LRRC74A: variants seen among roughly 807,000 people sequenced by gnomAD.
LRRC74A encodes leucine-rich repeat-containing protein 74A.
Under a neutral mutation model 57.9 loss-of-function variants are expected in LRRC74A, and 44 were observed. The ratio of observed to expected loss-of-function variants is 0.76; its 90% CI spans 0.60 to 0.98. The LOEUF is 0.98. LRRC74A is among the 50% of genes least tolerant of loss of function. The pLI is 0.00. For synonymous variants in LRRC74A, 211 were observed against 219.4 expected, an observed-to-expected ratio of 0.96 and a Z score of 0.34; for missense variants, 572 against 574.0, an observed-to-expected ratio of 1.00 and a Z score of 0.04.
intron 3 of LRRC74A, among the ~76,000 whole-genome samples, chr14:76,835,486 CAAAA>C (rs11362184): frequency 4.6e-5 from 6 of 130,730 alleles, no homozygotes; most frequent in Non-Finnish European, 3.3e-5. Context: ...GACTCCATCT[CAAAA>C]AAAAAAAAAA....
chr14:76,845,618 C>A (rs564026760), intron 7 of LRRC74A, among the ~76,000 whole-genome samples: 4 of 152,178 alleles, frequency 2.6e-5, no homozygotes, highest in African/African-American at 7.2e-5. Flanking sequence ...TATAACAAAC[C>A]AGCACATGTA....
intron 13 of LRRC74A, among the ~76,000 whole-genome samples, chr14:76,868,096 C>T (rs1253891493): frequency 1.3e-5 from 2 of 152,238 alleles, no homozygotes; most frequent in African/African-American, 2.4e-5. Flanking sequence ...TGCAGCCTCA[C>T]GGTGCCCCAT....
chr14:76,867,239 G>GGGGT (rs1898986483), intron 12 of LRRC74A, 117 bp from the exon 13 acceptor site: 1 of 371,508 alleles, frequency 2.7e-6, no homozygotes, highest in African/African-American at 5.1e-5. Flanking sequence ...TGTGTGTGGG[G>GGGGT]GTGTGTGTTG....
At chr14:76,841,980 G>A (rs1896808220) in intron 5 of LRRC74A, among the ~76,000 whole-genome samples, 1 of 152,086 alleles carries the variant, frequency 6.6e-6, no homozygotes, top group East Asian at 1.9e-4. Flanking sequence ...CCAAAGTGCT[G>A]GGATTACAGG....
At chr14:76,832,329 A>T (rs1029894103) in intron 3 of LRRC74A, among the ~76,000 whole-genome samples, 1 of 152,116 alleles carries the variant, frequency 6.6e-6, no homozygotes, top group Non-Finnish European at 1.5e-5. Flanking sequence ...TGTTTGTTTG[A>T]GACAGGTTTT....
At chr14:76,861,437 T>C (rs1271532763) in intron 11 of LRRC74A, among the ~76,000 whole-genome samples, 2 of 152,204 alleles carry the variant, frequency 1.3e-5, no homozygotes, top group Admixed American at 1.3e-4. Flanking sequence ...TTTTCTTAGA[T>C]TATCTCTGGC....
chr14:76,837,723 G>C (rs140299017), intron 4 of LRRC74A, among the ~76,000 whole-genome samples, 152 bp from the exon 5 acceptor site: 2 of 151,902 alleles, frequency 1.3e-5, no homozygotes, highest in Non-Finnish European at 2.9e-5. Context: ...CCTTCTCTTC[G>C]TCCTTGGCAC....
intron 3 of LRRC74A, 95 bp from the exon 4 acceptor site, chr14:76,836,112 A>T: frequency 1.2e-6 from 1 of 862,004 alleles, no homozygotes; most frequent in Non-Finnish European, 1.9e-6. Flanking sequence ...CTGCATCTCC[A>T]CGCCCATTCA....
intron 7 of LRRC74A, 42 bp downstream of exon 7, chr14:76,844,943 G>A: frequency 4.0e-6 from 4 of 1,005,594 alleles, no homozygotes; most frequent in Non-Finnish European, 6.3e-6. Context: ...GGGAGGGATA[G>A]GGAAGAATCA....
intron 8 of LRRC74A, 135 bp downstream of exon 8, chr14:76,852,585 G>T: frequency 1.7e-5 from 8 of 465,752 alleles, no homozygotes; most frequent in South Asian, 4.3e-5. Context: ...TACTTTTCAA[G>T]TTATTGTTCT....
At chr14:76,834,221 A>C (rs537887992) in intron 3 of LRRC74A, among the ~76,000 whole-genome samples, 2 of 152,222 alleles carry the variant, frequency 1.3e-5, no homozygotes, top group Non-Finnish European at 2.9e-5. Context: ...GAAAGAACAA[A>C]GCCGTCTTGA....
chr14:76,866,152 G>T (rs777387750), intron 12 of LRRC74A, 77 bp downstream of exon 12: 1 of 1,137,130 alleles, frequency 8.8e-7, no homozygotes, highest in African/African-American at 1.5e-5. Context: ...GGGGAGAGGA[G>T]GAGAAGGAGC....
chr14:76,830,473 A>G lies in LRRC74A; in HGVS notation c.167-730A>G, dbSNP rs376805455. On this transcript the variant is annotated intron_variant, in intron 2 of 13. Transcript: ENST00000689127. ...GTTAGAATGGAAAGGTGCAGTCCCC[A>G]CTTCTGTTAGCTGGTTTTAGCATTG... is the stretch of plus-strand genomic sequence containing the variant. Among the ~76,000 whole-genome samples, 43 of 152,312 alleles carry G rather than the reference A, an allele frequency of 2.8e-4. 3 individuals carry two copies. The South Asian group carries it at 6.8e-3, about 24-fold the overall frequency.
At chr14:76,860,931 A>C in intron 11 of LRRC74A, 92 bp downstream of exon 11, 5 of 1,221,530 alleles carry the variant, frequency 4.1e-6, no homozygotes, top group South Asian at 1.5e-5. Flanking sequence ...CTCCCTCCCC[A>C]CAGTGTCTGT....
At chr14:76,862,781 A>G (rs1439798145) in intron 11 of LRRC74A, among the ~76,000 whole-genome samples, 1 of 152,136 alleles carries the variant, frequency 6.6e-6, no homozygotes, top group African/African-American at 2.4e-5. Flanking sequence ...CGCACACAGC[A>G]TGTTCAGGGG....
In LRRC74A at chr14:76,867,449, GC is replaced by G. The variant is rs1899026369; in HGVS notation, c.1391+15del. The G allele has an allele frequency of 6.6e-7, 1 of 1,515,034 alleles. No homozygotes were observed. The highest frequency in any genetic ancestry group is 9.2e-7 in the Non-Finnish European group (1 of 1,091,370). 93.8% of individuals were successfully genotyped at this position (1,515,034 alleles called of 1,614,324 possible). ...CATGGTGAACTTCAGGTCAGCCCAG[GC>G]CCCGCGACGATCCCCGTTCTCTGCA... On this transcript the variant is annotated intron_variant, in intron 13 of 13. Transcript: ENST00000689127.
chr14:76,864,781 G>A (rs1016796955), intron 11 of LRRC74A, among the ~76,000 whole-genome samples: 3 of 152,170 alleles, frequency 2.0e-5, no homozygotes, highest in African/African-American at 7.2e-5. Context: ...TTGAACCTGG[G>A]AGGCAGAGGT....
intron 7 of LRRC74A, among the ~76,000 whole-genome samples, chr14:76,848,135 G>C (rs1177869999): frequency 6.8e-6 from 1 of 146,822 alleles, no homozygotes; most frequent in Non-Finnish European, 1.5e-5. Context: ...ATCCTGGGGT[G>C]GGGGGAGTGG....
intron 2 of LRRC74A, 145 bp downstream of exon 2, chr14:76,828,564 G>C (rs772463355): frequency 1.6e-6 from 2 of 1,279,032 alleles, no homozygotes; most frequent in Admixed American, 1.9e-5. Flanking sequence ...AGGCCTGCTC[G>C]ATTTTGCCTG....
Sources: gnomAD v4.1 joint callset for allele counts (sites outside exome capture counted in the v4.1 genomes callset) on GRCh38, gnomAD v4.1.1 for gene constraint, MANE v1.5 for transcripts, NCBI Gene and HGNC (gene_info 2026-07-23, HGNC 2026-07-21) for gene names.